CWC27: variants seen among roughly 807,000 people sequenced by gnomAD.
The protein encoded by CWC27 is spliceosome-associated protein CWC27 homolog.
A neutral mutation model predicts 63.6 loss-of-function variants in CWC27; 47 were observed. The ratio of observed to expected loss-of-function variants is 0.74; its 90% CI spans 0.58 to 0.94. The LOEUF is 0.94. CWC27 is among the 40% of genes least tolerant of loss of function. The pLI is 0.00. For missense variants in CWC27, 495 were observed against 554.3 expected, an observed-to-expected ratio of 0.89 and a Z score of 1.07; for synonymous variants, 175 against 179.8, an observed-to-expected ratio of 0.97 and a Z score of 0.22.
intron 7 of CWC27, among the ~76,000 whole-genome samples, chr5:64,798,432 TAGTCAGACAAACATTATCCAGTAA>T: frequency 6.6e-6 from 1 of 152,210 alleles, no homozygotes; most frequent in Admixed American, 6.5e-5. Flanking sequence ...CCGTTTTTCA[TAGTCAGACAAACATTATCCAGTAA>T]TTAGATGACA....
At chr5:64,877,499 T>C (rs1345161591) in intron 10 of CWC27, among the ~76,000 whole-genome samples, 1 of 151,680 alleles carries the variant, frequency 6.6e-6, no homozygotes. Context: ...AATAGCAGAG[T>C]AGGTTGACAT....
At chr5:64,820,758 A>G (rs1745174923) in intron 10 of CWC27, among the ~76,000 whole-genome samples, 1 of 152,174 alleles carries the variant, frequency 6.6e-6, no homozygotes, top group African/African-American at 2.4e-5. Context: ...TACATACCTT[A>G]TATTTTATAT....
At chr5:64,807,988 T>G (rs1744747611) in intron 10 of CWC27, 3 of 1,402,302 alleles carry the variant, frequency 2.1e-6, no homozygotes, top group Admixed American at 3.3e-5. Flanking sequence ...TAGTTGATAA[T>G]CGACTGGCTA....
intron 10 of CWC27, among the ~76,000 whole-genome samples, chr5:64,857,888 A>G (rs1318091818): frequency 6.6e-6 from 1 of 152,140 alleles, no homozygotes; most frequent in Non-Finnish European, 1.5e-5. Context: ...TTGTAATCCC[A>G]GCACTTTGGG....
At chr5:65,006,142 C>T (rs539107588) in intron 13 of CWC27, among the ~76,000 whole-genome samples, 1 of 152,246 alleles carries the variant, frequency 6.6e-6, no homozygotes, top group African/African-American at 2.4e-5. Context: ...ATTATCCAGA[C>T]ACTATTTTGT....
intron 13 of CWC27, among the ~76,000 whole-genome samples, chr5:64,979,552 G>A (rs932944389): frequency 7.9e-5 from 12 of 152,150 alleles, no homozygotes; most frequent in African/African-American, 2.2e-4. Context: ...CTCTCATAAA[G>A]TATATTCTTC....
At chr5:65,013,511 A>G (rs1403044786) in intron 13 of CWC27, among the ~76,000 whole-genome samples, 2 of 152,210 alleles carry the variant, frequency 1.3e-5, no homozygotes, top group Admixed American at 6.5e-5. Context: ...TAAACAGGCA[A>G]TTACAAAATG....
At chr5:64,978,595 G>T (rs937932160) in intron 13 of CWC27, among the ~76,000 whole-genome samples, 28 of 109,888 alleles carry the variant, frequency 2.5e-4, no homozygotes, top group African/African-American at 9.9e-4. Context: ...GTTTTGTTTT[G>T]GGTTTTTGGG....
chr5:64,828,251 A>G (rs1419551458), intron 10 of CWC27, among the ~76,000 whole-genome samples: 1 of 152,254 alleles, frequency 6.6e-6, no homozygotes, highest in African/African-American at 2.4e-5. Context: ...TTGTTTTCCT[A>G]TTAAGTAGTA....
chr5:64,807,871 C>G (rs1211242708), intron 10 of CWC27: 1 of 1,487,624 alleles, frequency 6.7e-7, no homozygotes. Flanking sequence ...CTAACAAAAC[C>G]ATTCCATTTT....
At chr5:65,003,108 C>G (rs756143121) in intron 13 of CWC27, among the ~76,000 whole-genome samples, 2 of 152,152 alleles carry the variant, frequency 1.3e-5, no homozygotes, top group Non-Finnish European at 2.9e-5. Flanking sequence ...GCTATTTCTG[C>G]TCACTGTTTG....
chr5:64,874,154 C>CTTTTTTTTTTTTTTTTTT (rs748768571), intron 10 of CWC27, among the ~76,000 whole-genome samples: 1 of 48,776 alleles, frequency 2.1e-5, no homozygotes, highest in African/African-American at 8.6e-5. Flanking sequence ...ATTGTTGATG[C>CTTTTTTTTTTTTTTTTTT]TTTTTTTTTT....
intron 1 of CWC27, among the ~76,000 whole-genome samples, chr5:64,772,131 C>T (rs1008346455): frequency 6.6e-6 from 1 of 151,958 alleles, no homozygotes; most frequent in African/African-American, 2.4e-5. Flanking sequence ...AATGGAAGGG[C>T]CAGTATTTGA....
intron 1 of CWC27, among the ~76,000 whole-genome samples, chr5:64,769,550 T>C (rs1420087161): frequency 2.0e-5 from 3 of 152,206 alleles, no homozygotes; most frequent in Admixed American, 2.0e-4. Flanking sequence ...CAATCATTAA[T>C]TGAACGCCTG....
At chr5:64,813,188 G>C (rs1744927522) in intron 10 of CWC27, among the ~76,000 whole-genome samples, 1 of 152,056 alleles carries the variant, frequency 6.6e-6, no homozygotes, top group South Asian at 2.1e-4. Context: ...AGTATTAATT[G>C]TAATAGAAAC....
intron 11 of CWC27, among the ~76,000 whole-genome samples, chr5:64,916,729 C>G (rs905959092): frequency 6.6e-6 from 1 of 152,192 alleles, no homozygotes; most frequent in African/African-American, 2.4e-5. Context: ...CAAAAACACA[C>G]TTGGCAAACA....
At chr5:64,962,645 T>C (rs1374804954) in intron 11 of CWC27, among the ~76,000 whole-genome samples, 1 of 152,202 alleles carries the variant, frequency 6.6e-6, no homozygotes, top group African/African-American at 2.4e-5. Flanking sequence ...AGTCTGAATG[T>C]ATGCTATTTA....
chr5:64,896,944 G>A (rs1405724253), intron 11 of CWC27, among the ~76,000 whole-genome samples: 5 of 152,186 alleles, frequency 3.3e-5, no homozygotes, highest in African/African-American at 1.2e-4. Flanking sequence ...GCGCACGGTG[G>A]CTCATACCTG....
At chr5:64,998,883 T>C (rs1749684474) in intron 13 of CWC27, among the ~76,000 whole-genome samples, 1 of 152,032 alleles carries the variant, frequency 6.6e-6, no homozygotes, top group South Asian at 2.1e-4. Flanking sequence ...TTTTTGTTTT[T>C]TTACCATTTG....
Sources: gnomAD v4.1 joint callset for allele counts (sites outside exome capture counted in the v4.1 genomes callset) on GRCh38, gnomAD v4.1.1 for gene constraint, MANE v1.5 for transcripts, NCBI Gene and HGNC (gene_info 2026-07-23, HGNC 2026-07-21) for gene names.